COLEC10: variants seen among roughly 807,000 people sequenced by gnomAD.
COLEC10 encodes collectin subfamily member 10.
Under a neutral mutation model 28.4 loss-of-function variants are expected in COLEC10, and 22 were observed. The observed-to-expected ratio is 0.78, with a 90% CI of 0.55 to 1.11. The LOEUF (loss-of-function observed/expected upper bound fraction) is 1.11, where lower values mean the gene tolerates loss of function less well. Among genes scored for constraint, COLEC10 ranks in the 50% least tolerant of loss-of-function variants. The probability of loss-of-function intolerance (pLI) is 0.00; values close to 1 mark genes in which losing one functional copy is unlikely to be tolerated. For synonymous variants in COLEC10, 125 were observed against 116.1 expected, an observed-to-expected ratio of 1.08 and a Z score of -0.49; for missense variants, 361 against 344.1, an observed-to-expected ratio of 1.05 and a Z score of -0.39.
upstream of COLEC10, among the ~76,000 whole-genome samples, chr8:119,062,447 A>T (rs938247947): frequency 4.6e-5 from 7 of 151,914 alleles, no homozygotes; most frequent in South Asian, 6.2e-4. Context: ...GACTTTTTTT[A>T]AAAAAGTCAG....
the COLEC10 span, among the ~76,000 whole-genome samples, chr8:118,964,728 A>T: frequency 6.6e-6 from 1 of 152,208 alleles, no homozygotes; most frequent in Admixed American, 6.6e-5. Flanking sequence ...TTCAACTATT[A>T]TAATTGTCTT....
chr8:119,008,809 T>A (rs937676778), intron 1 of COLEC10, among the ~76,000 whole-genome samples: 1 of 151,014 alleles, frequency 6.6e-6, no homozygotes, highest in Non-Finnish European at 1.5e-5. Context: ...CCGCTGTTCC[T>A]CCCATATAAA....
chr8:119,100,282 T>C (rs985590018), intron 3 of COLEC10, among the ~76,000 whole-genome samples: 4 of 152,170 alleles, frequency 2.6e-5, no homozygotes, highest in Admixed American at 1.3e-4. Flanking sequence ...TTATTTTGCC[T>C]CTCTGATCCT....
chr8:119,014,322 C>T (rs961163337), intron 2 of COLEC10, among the ~76,000 whole-genome samples: 27 of 149,842 alleles, frequency 1.8e-4, no homozygotes, highest in African/African-American at 6.0e-4. Context: ...TTCACTTTTG[C>T]AGAATAATTT....
At chr8:119,088,020 A>C (rs888696730) in intron 1 of COLEC10, among the ~76,000 whole-genome samples, 2 of 152,112 alleles carry the variant, frequency 1.3e-5, no homozygotes, top group African/African-American at 4.8e-5. Context: ...TTAGCTAGAA[A>C]AATGTAATCT....
the COLEC10 span, among the ~76,000 whole-genome samples, chr8:118,989,573 A>G: frequency 6.7e-6 from 1 of 148,178 alleles, no homozygotes; most frequent in East Asian, 2.0e-4. Flanking sequence ...ACACACACAC[A>G]CACACCCCTA....
chr8:119,091,469 C>T (rs1334508940), intron 3 of COLEC10, among the ~76,000 whole-genome samples: 1 of 151,224 alleles, frequency 6.6e-6, no homozygotes. Context: ...GTAGGAGGAT[C>T]GTTTGAGCCC....
At chr8:119,048,009 T>C (rs1814614147) in intron 2 of COLEC10, among the ~76,000 whole-genome samples, 1 of 151,764 alleles carries the variant, frequency 6.6e-6, no homozygotes, top group Non-Finnish European at 1.5e-5. Context: ...AAGTTGGGGG[T>C]TTTTTAAATT....
intron 3 of COLEC10, among the ~76,000 whole-genome samples, chr8:119,097,709 TA>T (rs1815748408): frequency 6.6e-6 from 1 of 152,106 alleles, no homozygotes; most frequent in Non-Finnish European, 1.5e-5. Flanking sequence ...CAGAAAGGTA[TA>T]GCAGGAAAGT....
At chr8:118,988,776 C>A in the COLEC10 span, among the ~76,000 whole-genome samples, 1 of 152,160 alleles carries the variant, frequency 6.6e-6, no homozygotes, top group African/African-American at 2.4e-5. Flanking sequence ...GGGGAGCCAA[C>A]AACAGAAACT....
At chr8:119,037,343 C>A (rs1056656787) in intron 2 of COLEC10, among the ~76,000 whole-genome samples, 1 of 152,156 alleles carries the variant, frequency 6.6e-6, no homozygotes, top group Non-Finnish European at 1.5e-5. Flanking sequence ...GAAATTCATT[C>A]ATAGTTACTA....
the COLEC10 span, among the ~76,000 whole-genome samples, chr8:118,989,578 C>CACACACA: frequency 2.2e-5 from 3 of 139,182 alleles, no homozygotes; most frequent in African/African-American, 6.4e-5. Flanking sequence ...CACACACACA[C>CACACACA]CCCTACCTAC....
intron 1 of COLEC10, among the ~76,000 whole-genome samples, chr8:119,083,720 G>A (rs1815412467): frequency 6.6e-6 from 1 of 151,942 alleles, no homozygotes; most frequent in Admixed American, 6.6e-5. Context: ...AAGATTTAAT[G>A]TAAGTTTAAA....
chr8:119,083,076 C>A (rs1421694000), intron 1 of COLEC10, among the ~76,000 whole-genome samples: 3 of 152,160 alleles, frequency 2.0e-5, no homozygotes, highest in Non-Finnish European at 2.9e-5. Flanking sequence ...AAGAGGTCAA[C>A]ACAAACCAAA....
intron 2 of COLEC10, among the ~76,000 whole-genome samples, chr8:119,062,066 C>T (rs1051621322): frequency 1.3e-5 from 2 of 151,960 alleles, no homozygotes; most frequent in African/African-American, 4.8e-5. Flanking sequence ...GTACATGAAA[C>T]ACAATGTAAT....
chr8:118,966,845 G>GA, the COLEC10 span, among the ~76,000 whole-genome samples: 1 of 152,090 alleles, frequency 6.6e-6, no homozygotes, highest in African/African-American at 2.4e-5. Flanking sequence ...AGGATCACAG[G>GA]AGGCTGGCTT....
upstream of COLEC10, among the ~76,000 whole-genome samples, chr8:118,994,561 G>C (rs192491554): frequency 6.6e-6 from 1 of 152,248 alleles, no homozygotes; most frequent in East Asian, 1.9e-4. Flanking sequence ...GTTCAGACAA[G>C]GAAACAAAGT....
At chr8:119,043,830 A>T (rs1368621068) in intron 2 of COLEC10, among the ~76,000 whole-genome samples, 1 of 152,220 alleles carries the variant, frequency 6.6e-6, no homozygotes, top group Non-Finnish European at 1.5e-5. Flanking sequence ...TAATGGATGC[A>T]AATACCGAGT....
intron 1 of COLEC10, among the ~76,000 whole-genome samples, chr8:119,076,162 C>T (rs1244436661): frequency 6.7e-6 from 1 of 149,226 alleles, no homozygotes; most frequent in Non-Finnish European, 1.5e-5. Context: ...CCGCCTGCCT[C>T]GGCCTCCCAA....
Sources: allele counts gnomAD v4.1 joint callset (sites outside exome capture counted in the v4.1 genomes callset), GRCh38; gene constraint gnomAD v4.1.1; transcripts MANE v1.5; gene names NCBI Gene and HGNC (gene_info 2026-07-23, HGNC 2026-07-21).